Variants in NLGN1 observed in about 807,000 individuals in gnomAD.
NLGN1 encodes neuroligin 1, also known as neuroligin-1.
A neutral mutation model predicts 65.5 loss-of-function variants in NLGN1; 12 were observed. The ratio of observed to expected loss-of-function variants is 0.18; its 90% CI spans 0.12 to 0.30. The LOEUF (loss-of-function observed/expected upper bound fraction) is 0.30. NLGN1 is among the 10% of genes least tolerant of loss of function. The pLI is 1.00. For missense variants in NLGN1, 750 were observed against 1,007.1 expected (o/e 0.74, Z 3.46); for synonymous variants, 350 against 359.5 (o/e 0.97, Z 0.30).
At chr3:173,509,535 C>T (rs965759207) in intron 2 of NLGN1, among the ~76,000 whole-genome samples, 1 of 152,092 alleles carries the variant, frequency 6.6e-6, no homozygotes, top group African/African-American at 2.4e-5. Context: ...GTCACCTGAG[C>T]TTGGGAAGTT....
At chr3:173,782,636 G>A (rs113517202) in intron 3 of NLGN1, among the ~76,000 whole-genome samples, 6 of 151,562 alleles carry the variant, frequency 4.0e-5, no homozygotes, top group African/African-American at 1.2e-4. Flanking sequence ...CCCCAGGAGA[G>A]CAGGAAAGGG....
chr3:173,487,788 C>A (rs924978390), intron 2 of NLGN1, among the ~76,000 whole-genome samples: 1 of 151,872 alleles, frequency 6.6e-6, no homozygotes, highest in African/African-American at 2.4e-5. Flanking sequence ...TGAGTATTTG[C>A]CTAATTTCTC....
chr3:173,513,836 GCCAACATGGTGAAA>G (rs1292345841), intron 2 of NLGN1, among the ~76,000 whole-genome samples: 5 of 151,950 alleles, frequency 3.3e-5, no homozygotes, highest in Admixed American at 3.3e-4. Flanking sequence ...AACCAGCCTG[GCCAACATGGTGAAA>G]CCCCGTCTCT....
At chr3:173,403,831 A>G (rs2148616450) in intron 1 of NLGN1, among the ~76,000 whole-genome samples, 1 of 152,238 alleles carries the variant, frequency 6.6e-6, no homozygotes, top group Middle Eastern at 3.4e-3. Flanking sequence ...AAATGATGTA[A>G]TGAATACATG....
In NLGN1 at chr3:173,502,109, C is replaced by T. The variant is rs184280452; in HGVS notation, c.-321+67031C>T. On this transcript the variant is annotated intron_variant, in intron 2 of 6. Coordinates refer to ENST00000457714, the Ensembl canonical transcript of NLGN1. The stretch of plus-strand genomic sequence containing the variant: ...AGTCACACTGTAATATTTTTTTCCA[C>T]AAATATTTTTACAAGAGTAGACCTT... 3.9e-5 allele frequency among the ~76,000 whole-genome samples: 6 copies of T among 152,142 alleles called. No homozygotes were observed. In the East Asian group the frequency reaches 1.2e-3, roughly 29 times the overall value.
rs576536124 is a variant in NLGN1, at chr3:174,070,741, A to G, written c.647-204574A>G. Among the ~76,000 whole-genome samples, 33 of 152,320 alleles carry G rather than the reference A, an allele frequency of 2.2e-4. No individual in the cohort carries two copies. The South Asian group carries it at 5.8e-3, about 27-fold the overall frequency. Reference sequence around the variant, plus strand: ...TAAATATATAAACTGATAAATTACTATGAAGTTGGTATACTCATTGATAGT... The same window carrying G: ...TAAATATATAAACTGATAAATTACTGTGAAGTTGGTATACTCATTGATAGT... On this transcript the variant is annotated intron_variant, in intron 4 of 6. Coordinates refer to ENST00000457714, the Ensembl canonical transcript of NLGN1.
rs192128150 is a variant in NLGN1, at chr3:174,056,431, A to G, written c.647-218884A>G. 3.1e-3 allele frequency among the ~76,000 whole-genome samples: 475 copies of G among 152,000 alleles called. 2 individuals are homozygous for G. Among genetic ancestry groups the G allele is most frequent in the Non-Finnish European group, 5.4e-3 (367 of 67,934 alleles). ...ATTGAATTGTATGTCATATAAAATG[A>G]TTATTCTCATGTCATTGTAACAAAC... is the stretch of plus-strand genomic sequence containing the variant. On this transcript the variant is annotated intron_variant, in intron 4 of 6. Transcript: ENST00000457714.
At chr3:173,442,488 G>T (rs1719388646) in intron 2 of NLGN1, among the ~76,000 whole-genome samples, 1 of 152,014 alleles carries the variant, frequency 6.6e-6, no homozygotes, top group African/African-American at 2.4e-5. Context: ...ATTCTCCAAG[G>T]AAAAAGAGAT....
At chr3:173,513,743 T>A (rs1430463222) in intron 2 of NLGN1, among the ~76,000 whole-genome samples, 1 of 152,114 alleles carries the variant, frequency 6.6e-6, no homozygotes, top group African/African-American at 2.4e-5. Flanking sequence ...AATATATGTG[T>A]TGGCTGGGCA....
At chr3:174,239,624 A>G (rs1742425752) in intron 4 of NLGN1, among the ~76,000 whole-genome samples, 1 of 152,200 alleles carries the variant, frequency 6.6e-6, no homozygotes, top group Non-Finnish European at 1.5e-5. Context: ...AATCCTGGAT[A>G]AAACAATAGT....
Position 173,631,768 on chromosome 3 carries a change from C to T in NLGN1, c.493+26677C>T, listed in dbSNP as rs146807313. ...CTCAGAATAGGTTAAAATAGATTTT[C>T]ATCTCATAAATTTCTGGTCATTATT... On this transcript the variant is annotated intron_variant, in intron 3 of 6. Transcript: ENST00000457714. Among the ~76,000 whole-genome samples, 579 of 152,172 alleles carry T rather than the reference C, an allele frequency of 3.8e-3. 3 individuals carry two copies. Among genetic ancestry groups the T allele is most frequent in the Non-Finnish European group, 6.9e-3 (469 of 67,996 alleles).
At chr3:173,555,722 A>G (rs1014002637) in intron 2 of NLGN1, among the ~76,000 whole-genome samples, 3 of 152,262 alleles carry the variant, frequency 2.0e-5, no homozygotes, top group Admixed American at 1.3e-4. Context: ...GGCTCAAGCA[A>G]TCATCCACCT....
At chr3:173,628,693 G>GTTA (rs1374221761) in intron 3 of NLGN1, among the ~76,000 whole-genome samples, 15 of 151,276 alleles carry the variant, frequency 9.9e-5, no homozygotes, top group Admixed American at 2.6e-4. Context: ...TTTTATTTAT[G>GTTA]TTATTATTAT....
At chr3:174,080,346 C>A (rs1490757186) in intron 4 of NLGN1, among the ~76,000 whole-genome samples, 1 of 152,108 alleles carries the variant, frequency 6.6e-6, no homozygotes, top group African/African-American at 2.4e-5. Context: ...GAGACTGAGA[C>A]AAATTTTACA....
chr3:173,963,156 C>T (rs1284824345), intron 4 of NLGN1, among the ~76,000 whole-genome samples: 5 of 152,160 alleles, frequency 3.3e-5, no homozygotes, highest in Non-Finnish European at 1.5e-5. Flanking sequence ...AAGGAATTAT[C>T]ACATCAATTC....
intron 2 of NLGN1, among the ~76,000 whole-genome samples, chr3:173,598,447 G>T (rs1032743032): frequency 6.6e-6 from 1 of 152,160 alleles, no homozygotes; most frequent in Non-Finnish European, 1.5e-5. Flanking sequence ...TTGTGGTGGG[G>T]TATGAACACG....
At chr3:173,467,048 T>TA (rs1167885667) in intron 2 of NLGN1, among the ~76,000 whole-genome samples, 3 of 152,000 alleles carry the variant, frequency 2.0e-5, no homozygotes, top group Non-Finnish European at 4.4e-5. Context: ...AAGGAGAAAA[T>TA]AAAAATATAT....
intron 2 of NLGN1, among the ~76,000 whole-genome samples, chr3:173,521,787 G>T (rs988681760): frequency 2.0e-5 from 3 of 152,146 alleles, no homozygotes; most frequent in Non-Finnish European, 4.4e-5. Context: ...ATACTATGAG[G>T]TATATTCTAC....
chr3:173,749,321 G>C (rs921733536), intron 3 of NLGN1, among the ~76,000 whole-genome samples: 6 of 152,094 alleles, frequency 3.9e-5, no homozygotes, highest in Admixed American at 3.9e-4. Flanking sequence ...GACTGAACAG[G>C]TGTCAGGAGC....
Sources: gnomAD v4.1 joint callset for allele counts (sites outside exome capture counted in the v4.1 genomes callset) on GRCh38, gnomAD v4.1.1 for gene constraint, MANE v1.5 for transcripts, NCBI Gene and HGNC (gene_info 2026-07-23, HGNC 2026-07-21) for gene names.